The following CNTNAP2 variants were observed in gnomAD, a reference collection of about 807,000 sequenced individuals.
The protein encoded by CNTNAP2 is contactin associated protein 2, also known as contactin-associated protein-like 2.
CNTNAP2 carries 98 observed loss-of-function variants against 155.2 expected under a neutral mutation model. That is an observed-to-expected ratio of 0.63 (90% CI 0.54 to 0.75). The LOEUF (loss-of-function observed/expected upper bound fraction) is 0.75, where lower values mean the gene tolerates loss of function less well. Ranked by LOEUF, CNTNAP2 falls within the 30% of genes least tolerant of loss-of-function variation. The probability of loss-of-function intolerance (pLI) is 0.00; values close to 1 mark genes in which losing one functional copy is unlikely to be tolerated. For synonymous variants in CNTNAP2, 651 were observed against 631.2 expected (o/e 1.03, Z -0.47); for missense variants, 1,727 against 1,688.1 (o/e 1.02, Z -0.40).
intron 8 of CNTNAP2, among the ~76,000 whole-genome samples, chr7:147,138,593 T>TC (rs1270716978): frequency 6.6e-6 from 1 of 151,932 alleles, no homozygotes; most frequent in Non-Finnish European, 1.5e-5. Context: ...CTGCAGTGAA[T>TC]GCTGGTGCAC....
chr7:148,292,547 C>A (rs1463331567), intron 21 of CNTNAP2, among the ~76,000 whole-genome samples: 1 of 152,154 alleles, frequency 6.6e-6, no homozygotes, highest in African/African-American at 2.4e-5. Context: ...GGGACAAAAA[C>A]AACTGTTTCC....
At chr7:146,910,226 T>C (rs1337445676) in intron 3 of CNTNAP2, among the ~76,000 whole-genome samples, 2 of 145,434 alleles carry the variant, frequency 1.4e-5, no homozygotes, top group East Asian at 3.9e-4. Context: ...ATGGCCATAC[T>C]GCCCAAGGTA....
chr7:146,826,851 T>TAGAC (rs1437184151), intron 2 of CNTNAP2, among the ~76,000 whole-genome samples: 1 of 142,464 alleles, frequency 7.0e-6, no homozygotes, highest in African/African-American at 2.9e-5. Flanking sequence ...TATATATATA[T>TAGAC]ATATATAGAG....
At chr7:146,933,740 A>G (rs185356160) in intron 3 of CNTNAP2, among the ~76,000 whole-genome samples, 5,100 of 152,036 alleles carry the variant, frequency 0.034, 132 homozygotes, top group Middle Eastern at 0.078. Flanking sequence ...ACAAATTTAC[A>G]AGAAAAAAAA....
intron 1 of CNTNAP2, among the ~76,000 whole-genome samples, chr7:146,508,197 T>G (rs1797413405): frequency 3.3e-5 from 5 of 152,140 alleles, no homozygotes; most frequent in Admixed American, 1.3e-4. Context: ...TATGGCCACC[T>G]GGAAAGTGGT....
intron 15 of CNTNAP2, among the ~76,000 whole-genome samples, chr7:148,058,670 A>G (rs1376711330): frequency 2.6e-5 from 4 of 152,180 alleles, no homozygotes; most frequent in African/African-American, 9.7e-5. Context: ...AGGGGGCTGC[A>G]GAGGGGCTGG....
At chr7:147,995,186 C>A (rs1244446697) in intron 15 of CNTNAP2, among the ~76,000 whole-genome samples, 1 of 152,162 alleles carries the variant, frequency 6.6e-6, no homozygotes, top group Non-Finnish European at 1.5e-5. Context: ...GGCATGCACC[C>A]AAAACCCAGA....
At chr7:146,407,457 C>T (rs1795808575) in intron 1 of CNTNAP2, among the ~76,000 whole-genome samples, 1 of 152,144 alleles carries the variant, frequency 6.6e-6, no homozygotes, top group Non-Finnish European at 1.5e-5. Context: ...AGACTGGACA[C>T]ATTAAATTCA....
At chr7:147,200,377 C>T (rs909923488) in intron 8 of CNTNAP2, among the ~76,000 whole-genome samples, 10 of 152,062 alleles carry the variant, frequency 6.6e-5, no homozygotes, top group South Asian at 4.1e-4. Context: ...GCTTATTGCT[C>T]GTAGCAATAG....
intron 15 of CNTNAP2, among the ~76,000 whole-genome samples, chr7:148,033,543 A>G (rs955617016): frequency 5.9e-5 from 9 of 151,800 alleles, no homozygotes; most frequent in African/African-American, 2.2e-4. Context: ...TCAATATTCA[A>G]CTCTTACTTA....
chr7:148,106,519 T>TATAC (rs1491129840), intron 15 of CNTNAP2, among the ~76,000 whole-genome samples: 1 of 130,864 alleles, frequency 7.6e-6, no homozygotes, highest in African/African-American at 2.7e-5. Flanking sequence ...TATATATATA[T>TATAC]ACATATTTTT....
chr7:146,265,594 G>C (rs1184028838), intron 1 of CNTNAP2, among the ~76,000 whole-genome samples: 1 of 151,808 alleles, frequency 6.6e-6, no homozygotes, highest in Non-Finnish European at 1.5e-5. Context: ...GAGTAGCTGG[G>C]ATTACAGGCA....
intron 21 of CNTNAP2, among the ~76,000 whole-genome samples, chr7:148,320,461 G>A (rs1420452212): frequency 2.1e-5 from 3 of 140,218 alleles, no homozygotes; most frequent in African/African-American, 5.2e-5. Context: ...TCCACTCATG[G>A]CACCCTCCGC....
intron 1 of CNTNAP2, among the ~76,000 whole-genome samples, chr7:146,404,124 CAAAAAAAAA>C (rs1163559597): frequency 1.4e-5 from 1 of 72,774 alleles, no homozygotes; most frequent in African/African-American, 6.6e-5. Context: ...GACTCCGTCT[CAAAAAAAAA>C]AAAAAAAAAC....
intron 1 of CNTNAP2, among the ~76,000 whole-genome samples, chr7:146,395,957 C>G (rs1267586632): frequency 9.5e-6 from 1 of 105,502 alleles, no homozygotes; most frequent in Admixed American, 9.3e-5. Context: ...TTGCATCATT[C>G]TGTAAATTGG....
Position 148,248,860 on chromosome 7 carries a change from C to T in CNTNAP2, c.3382-18173C>T, listed in dbSNP as rs182047353. On this transcript the variant is annotated intron_variant, in intron 20 of 23. Coordinates refer to ENST00000361727, the MANE Select transcript of CNTNAP2 (RefSeq NM_014141.6). The stretch of plus-strand genomic sequence containing the variant: ...AGACAGCAGAATTCCAGTGACTCCA[C>T]GTAGTCACTAGCACTTGATATTGTC... Among the ~76,000 whole-genome samples the T allele has an allele frequency of 5.9e-5, 9 of 152,262 alleles. No homozygotes were observed. The East Asian group carries it at 7.7e-4, about 13-fold the overall frequency.
intron 15 of CNTNAP2, among the ~76,000 whole-genome samples, chr7:148,006,814 G>A (rs1801991554): frequency 6.6e-6 from 1 of 152,098 alleles, no homozygotes; most frequent in Non-Finnish European, 1.5e-5. Flanking sequence ...TTTCATGAAA[G>A]TGGGCAATTC....
At chr7:146,962,378 C>A (rs142689902) in intron 3 of CNTNAP2, among the ~76,000 whole-genome samples, 12 of 152,240 alleles carry the variant, frequency 7.9e-5, no homozygotes, top group African/African-American at 2.9e-4. Flanking sequence ...GTGCAAAATT[C>A]TTCTTCTGAC....
chr7:146,258,257 G>A (rs1014857303), intron 1 of CNTNAP2, among the ~76,000 whole-genome samples: 8 of 152,080 alleles, frequency 5.3e-5, no homozygotes, highest in Non-Finnish European at 1.5e-5. Flanking sequence ...TAAGAAAATA[G>A]ACATTTATAT....
Sources: allele counts gnomAD v4.1 joint callset (sites outside exome capture counted in the v4.1 genomes callset), GRCh38; gene constraint gnomAD v4.1.1; transcripts MANE v1.5; gene names NCBI Gene and HGNC (gene_info 2026-07-23, HGNC 2026-07-21).